ADAMTSL3: variants seen among roughly 807,000 people sequenced by gnomAD.
ADAMTSL3 encodes the protein ADAMTS-like protein 3.
ADAMTSL3 carries 128 observed loss-of-function variants against 201.7 expected under a neutral mutation model. The ratio of observed to expected loss-of-function variants is 0.63; its 90% CI spans 0.55 to 0.73. ADAMTSL3 has a LOEUF of 0.73. Among genes scored for constraint, ADAMTSL3 ranks in the 30% least tolerant of loss-of-function variants. ADAMTSL3 has a pLI of 0.00. For synonymous variants in ADAMTSL3, 738 were observed against 748.4 expected (o/e 0.99, Z 0.23); for missense variants, 1,990 against 2,119.6 (o/e 0.94, Z 1.20).
intron 10 of ADAMTSL3, among the ~76,000 whole-genome samples, chr15:83,888,394 A>G (rs1294968299): frequency 8.0e-6 from 1 of 124,570 alleles, no homozygotes; most frequent in Non-Finnish European, 1.7e-5. Context: ...ATTTCTATTT[A>G]GAACAAAGAT....
chr15:83,943,048 G>A lies in ADAMTSL3; in HGVS notation c.2456G>A (p.Cys819Tyr), dbSNP rs1297698067. The change falls in exon 19 of 30, where the codon TGT (cysteine) becomes TAT (tyrosine). Residue 819 changes from cysteine to tyrosine, a missense_variant. Transcript: ENST00000286744. ...CACAAGTCCTGTGCCAGGACAGACT[G>A]TCCTCCACATTTAGCTGTGGGAGAC... is the stretch of plus-strand genomic sequence containing the variant. ...SSHKSCARTD[C>Y]PPHLAVGDWS... 1.9e-6 allele frequency: 3 copies of A among 1,613,792 alleles called. No homozygotes were observed. The highest frequency in any genetic ancestry group is 4.5e-5 in the East Asian group (2 of 44,860).
intron 3 of ADAMTSL3, among the ~76,000 whole-genome samples, chr15:83,748,636 C>T (rs2141663580): frequency 9.8e-6 from 1 of 102,094 alleles, no homozygotes. Context: ...GGTGACAGAG[C>T]AAGACCCTGT....
At chr15:83,738,905 A>C (rs2062409856) in intron 3 of ADAMTSL3, among the ~76,000 whole-genome samples, 1 of 151,984 alleles carries the variant, frequency 6.6e-6, no homozygotes, top group Admixed American at 6.6e-5. Flanking sequence ...CAAAAACCAA[A>C]AAAAATGAAG....
At chr15:83,850,119 A>G (rs1190982466) in intron 7 of ADAMTSL3, among the ~76,000 whole-genome samples, 2 of 152,036 alleles carry the variant, frequency 1.3e-5, no homozygotes, top group Non-Finnish European at 2.9e-5. Flanking sequence ...AAATCCAAGT[A>G]AAACAGAAAC....
intron 21 of ADAMTSL3, 37 bp downstream of exon 21, chr15:83,983,381 T>A: frequency 7.5e-7 from 1 of 1,338,706 alleles, no homozygotes; most frequent in Non-Finnish European, 1.0e-6. Context: ...ATTTTTGCAC[T>A]ACCTTCTTAA....
At chr15:83,999,781 A>AT (rs36074253) in intron 23 of ADAMTSL3, among the ~76,000 whole-genome samples, 4 of 151,884 alleles carry the variant, frequency 2.6e-5, no homozygotes, top group African/African-American at 4.8e-5. Context: ...CTTAATCGGG[A>AT]TTTTTTTTAA....
At chr15:83,872,627 C>CACAGAGAG (rs6145659) in intron 9 of ADAMTSL3, among the ~76,000 whole-genome samples, 57 of 141,020 alleles carry the variant, frequency 4.0e-4, no homozygotes, top group African/African-American at 1.4e-3. Flanking sequence ...CACACACACA[C>CACAGAGAG]AGAGTTTTTG....
intron 27 of ADAMTSL3, among the ~76,000 whole-genome samples, 153 bp from the exon 28 acceptor site, chr15:84,031,182 G>A (rs2068401925): frequency 6.6e-6 from 1 of 152,160 alleles, no homozygotes; most frequent in Non-Finnish European, 1.5e-5. Context: ...CCACAGAGCT[G>A]TACCCTAATC....
At chr15:83,707,048 T>TA (rs2061862964) in intron 3 of ADAMTSL3, among the ~76,000 whole-genome samples, 1 of 152,098 alleles carries the variant, frequency 6.6e-6, no homozygotes, top group Non-Finnish European at 1.5e-5. Context: ...TATCAAACTT[T>TA]TAAAAAATCC....
At chr15:83,830,656 T>C (rs996249452) in intron 6 of ADAMTSL3, among the ~76,000 whole-genome samples, 19 of 152,136 alleles carry the variant, frequency 1.2e-4, no homozygotes, top group African/African-American at 4.1e-4. Context: ...TACCACAAAT[T>C]TGGTGGCTTA....
At chr15:83,718,471 A>C (rs771928521) in intron 3 of ADAMTSL3, among the ~76,000 whole-genome samples, 1 of 152,136 alleles carries the variant, frequency 6.6e-6, no homozygotes, top group Non-Finnish European at 1.5e-5. Flanking sequence ...TGAGATGCTG[A>C]GGCGGGCAGA....
chr15:83,985,458 A>C (rs1402404780), intron 21 of ADAMTSL3, among the ~76,000 whole-genome samples: 2 of 152,118 alleles, frequency 1.3e-5, no homozygotes, highest in African/African-American at 4.8e-5. Flanking sequence ...TTTATTGGTC[A>C]TTCTTTCAAG....
intron 27 of ADAMTSL3, among the ~76,000 whole-genome samples, chr15:84,029,427 GT>G (rs1240200224): frequency 3.3e-5 from 5 of 152,210 alleles, no homozygotes; most frequent in Non-Finnish European, 7.3e-5. Context: ...TCTGTGGAAT[GT>G]TGAACTTGAG....
chr15:83,961,804 G>A (rs1165187697), intron 19 of ADAMTSL3: 1 of 152,168 alleles, frequency 6.6e-6, no homozygotes, highest in African/African-American at 2.4e-5. Context: ...TAAAAAAGGT[G>A]GGAGATGAGT....
intron 8 of ADAMTSL3, among the ~76,000 whole-genome samples, chr15:83,863,595 T>C (rs1232943981): frequency 3.3e-5 from 5 of 152,088 alleles, no homozygotes; most frequent in African/African-American, 1.2e-4. Flanking sequence ...TACCAGAATC[T>C]CTGGGACACA....
At chr15:83,777,004 C>T (rs1406410001) in intron 4 of ADAMTSL3, among the ~76,000 whole-genome samples, 1 of 152,198 alleles carries the variant, frequency 6.6e-6, no homozygotes, top group Non-Finnish European at 1.5e-5. Flanking sequence ...ACAGAGTCAG[C>T]CAGCATCCCA....
chr15:83,721,639 A>G (rs566478119), intron 3 of ADAMTSL3, among the ~76,000 whole-genome samples: 109 of 152,322 alleles, frequency 7.2e-4, no homozygotes, highest in African/African-American at 2.5e-3. Context: ...GGGACCTCCA[A>G]TTCTCTAAAC....
intron 3 of ADAMTSL3, among the ~76,000 whole-genome samples, chr15:83,769,517 G>A (rs1051394906): frequency 6.6e-6 from 1 of 152,104 alleles, no homozygotes; most frequent in African/African-American, 2.4e-5. Flanking sequence ...AAATAGTATG[G>A]GTTTAATTAG....
At chr15:83,942,034 T>G (rs1054808657) in intron 17 of ADAMTSL3, among the ~76,000 whole-genome samples, 2 of 152,204 alleles carry the variant, frequency 1.3e-5, no homozygotes, top group Non-Finnish European at 2.9e-5. Flanking sequence ...CTTGGAAATA[T>G]GTGTCGAAAG....
Sources: allele counts gnomAD v4.1 joint callset (sites outside exome capture counted in the v4.1 genomes callset), GRCh38; gene constraint gnomAD v4.1.1; transcripts MANE v1.5; gene names NCBI Gene and HGNC (gene_info 2026-07-23, HGNC 2026-07-21).